TENM3: variants seen among roughly 807,000 people sequenced by gnomAD.
The protein encoded by TENM3 is teneurin-3.
A neutral mutation model predicts 255.1 loss-of-function variants in TENM3; 63 were observed. That is an observed-to-expected ratio of 0.25 (90% CI 0.20 to 0.30). The LOEUF (loss-of-function observed/expected upper bound fraction) is 0.30, where lower values mean the gene tolerates loss of function less well. Among genes scored for constraint, TENM3 ranks in the 10% least tolerant of loss-of-function variants. TENM3 has a pLI of 1.00. For missense variants in TENM3, 2,929 were observed against 3,461.1 expected (o/e 0.85, Z 3.86); for synonymous variants, 1,306 against 1,322.3 (o/e 0.99, Z 0.27).
the TENM3 span, among the ~76,000 whole-genome samples, chr4:182,036,617 CA>C: frequency 2.0e-5 from 3 of 152,158 alleles, no homozygotes; most frequent in Non-Finnish European, 4.4e-5. Context: ...ATAAATATTA[CA>C]AACACTTTTC....
chr4:182,436,039 A>G (rs1772018800), intron 3 of TENM3, among the ~76,000 whole-genome samples: 1 of 152,122 alleles, frequency 6.6e-6, no homozygotes, highest in South Asian at 2.1e-4. Context: ...GATATTAATT[A>G]AATTTCACAT....
the TENM3 span, among the ~76,000 whole-genome samples, chr4:181,493,145 A>G: frequency 1.3e-5 from 2 of 152,178 alleles, no homozygotes; most frequent in East Asian, 1.9e-4. Flanking sequence ...AACAGCCTAG[A>G]TGAGGCCAGA....
intron 3 of TENM3, among the ~76,000 whole-genome samples, chr4:182,517,466 C>G (rs1738104650): frequency 7.8e-6 from 1 of 128,054 alleles, no homozygotes; most frequent in South Asian, 2.3e-4. Flanking sequence ...TCGCTGCAAG[C>G]TCCGCCTCCC....
intron 12 of TENM3, among the ~76,000 whole-genome samples, chr4:182,705,497 G>A (rs942321405): frequency 3.9e-5 from 6 of 152,172 alleles, no homozygotes; most frequent in Admixed American, 6.5e-5. Context: ...TGTTGACAGC[G>A]GAAACAATGT....
chr4:182,632,734 G>A (rs534587290), intron 5 of TENM3, among the ~76,000 whole-genome samples: 37 of 152,040 alleles, frequency 2.4e-4, no homozygotes, highest in African/African-American at 8.0e-4. Flanking sequence ...TTTTAAAGTC[G>A]TCAAATGTAT....
At chr4:182,674,082 T>G (rs1755452266) in intron 7 of TENM3, among the ~76,000 whole-genome samples, 1 of 152,180 alleles carries the variant, frequency 6.6e-6, no homozygotes, top group Non-Finnish European at 1.5e-5. Context: ...ATATCAAAAA[T>G]GTAAGAGTTG....
the TENM3 span, among the ~76,000 whole-genome samples, chr4:181,944,523 C>T: frequency 6.6e-6 from 1 of 152,254 alleles, no homozygotes; most frequent in African/African-American, 2.4e-5. Flanking sequence ...AATGTTTCAC[C>T]AGAGATCTGG....
the TENM3 span, among the ~76,000 whole-genome samples, chr4:182,064,508 G>C: frequency 2.0e-5 from 3 of 152,028 alleles, no homozygotes; most frequent in Non-Finnish European, 2.9e-5. Flanking sequence ...GCGTGAACCC[G>C]GGAGGCGGAG....
chr4:182,548,800 C>T (rs772956052), intron 3 of TENM3: 1 of 152,206 alleles, frequency 6.6e-6, no homozygotes, highest in Non-Finnish European at 1.5e-5. Context: ...CAATTGCCAA[C>T]CTTGTTTTAA....
rs549682604 is a variant in TENM3, at chr4:182,797,965, G to A, written c.7344+1198G>A. Among the ~76,000 whole-genome samples, 70 of 152,158 alleles carry A rather than the reference G, an allele frequency of 4.6e-4. 1 individual carries two copies. The highest frequency in any genetic ancestry group is 8.8e-4 in the Non-Finnish European group (60 of 68,038). On this transcript the variant is annotated intron_variant, in intron 27 of 27. Transcript: ENST00000511685. ...TCATAAGTTACAAATATAGTCGTGT[G>A]TGTGCAACATTTTGGTCAATGACAG...
the TENM3 span, among the ~76,000 whole-genome samples, chr4:181,456,204 T>TAC: frequency 6.6e-6 from 1 of 150,918 alleles, no homozygotes; most frequent in Non-Finnish European, 1.5e-5. Flanking sequence ...TGTATATATA[T>TAC]ATGTGTATAT....
intron 3 of TENM3, among the ~76,000 whole-genome samples, chr4:182,363,573 T>C (rs1451696708): frequency 6.6e-6 from 1 of 152,086 alleles, no homozygotes; most frequent in African/African-American, 2.4e-5. Context: ...TAAAATTATA[T>C]AATCAGATTT....
rs377481861 is a variant in TENM3 at position 182,775,941 on chromosome 4, T to C, written c.5304+788T>C. ...TATCTAAATACCATAACAAGATAGA[T>C]AGGAGATATGTAGATGATAGATAGA... On this transcript the variant is annotated intron_variant, in intron 24 of 27. Coordinates refer to ENST00000511685, the MANE Select transcript of TENM3 (RefSeq NM_001080477.4). Among the ~76,000 whole-genome samples, 35 of 151,088 alleles carry C rather than the reference T, an allele frequency of 2.3e-4. No homozygotes were observed. The East Asian group carries it at 2.9e-3, about 13-fold the overall frequency.
chr4:181,982,940 T>A, the TENM3 span, among the ~76,000 whole-genome samples: 22 of 152,082 alleles, frequency 1.4e-4, no homozygotes, highest in African/African-American at 4.3e-4. Context: ...AGGTTGGGGG[T>A]CGATAGGGTT....
At chr4:182,486,275 T>G (rs866863853) in intron 3 of TENM3, among the ~76,000 whole-genome samples, 8 of 147,168 alleles carry the variant, frequency 5.4e-5, no homozygotes, top group Middle Eastern at 3.4e-3. Flanking sequence ...AAGGTTCTAC[T>G]TTGTTACCTT....
At chr4:181,606,920 T>C in the TENM3 span, among the ~76,000 whole-genome samples, 1 of 151,970 alleles carries the variant, frequency 6.6e-6, no homozygotes, top group Admixed American at 6.6e-5. Context: ...TAGAATCAGC[T>C]CCACTTACAC....
the TENM3 span, among the ~76,000 whole-genome samples, chr4:182,090,386 C>A: frequency 2.0e-5 from 3 of 152,136 alleles, no homozygotes; most frequent in Non-Finnish European, 4.4e-5. Context: ...CCATTAGTGA[C>A]CAGGAACAAA....
At chr4:181,490,595 T>C in the TENM3 span, among the ~76,000 whole-genome samples, 1 of 152,174 alleles carries the variant, frequency 6.6e-6, no homozygotes, top group African/African-American at 2.4e-5. Flanking sequence ...GTCATTTTTA[T>C]GGAGTTTTCA....
At chr4:181,513,164 A>G in the TENM3 span, among the ~76,000 whole-genome samples, 1 of 152,086 alleles carries the variant, frequency 6.6e-6, no homozygotes, top group African/African-American at 2.4e-5. Context: ...ATTTTGAGTC[A>G]TTTAGCCTAT....
Sources: allele counts gnomAD v4.1 joint callset (sites outside exome capture counted in the v4.1 genomes callset), GRCh38; gene constraint gnomAD v4.1.1; transcripts MANE v1.5; gene names NCBI Gene and HGNC (gene_info 2026-07-23, HGNC 2026-07-21).